The following TTC34 variants were observed in gnomAD, a reference collection of about 807,000 sequenced individuals.
TTC34 encodes tetratricopeptide repeat protein 34.
Under a neutral mutation model 40.7 loss-of-function variants are expected in TTC34, and 44 were observed. The ratio of observed to expected loss-of-function variants is 1.08; its 90% CI spans 0.85 to 1.39. The LOEUF (loss-of-function observed/expected upper bound fraction) is 1.39, where lower values mean the gene tolerates loss of function less well. Among genes scored for constraint, TTC34 ranks in the 40% most tolerant of loss-of-function variants. The pLI is 0.00. For missense variants in TTC34, 884 were observed against 838.0 expected, an observed-to-expected ratio of 1.05 and a Z score of -0.68; for synonymous variants, 422 against 398.6, an observed-to-expected ratio of 1.06 and a Z score of -0.70.
At chr1:2,655,087 A>T (rs139424951) in intron 6 of TTC34, among the ~76,000 whole-genome samples, 10 of 81,562 alleles carry the variant, frequency 1.2e-4, no homozygotes, top group African/African-American at 5.3e-4. Flanking sequence ...TGGAGCAGCA[A>T]CCACACCCCC....
At chr1:2,791,013 G>C (rs998660043) in intron 2 of TTC34, among the ~76,000 whole-genome samples, 7 of 152,184 alleles carry the variant, frequency 4.6e-5, no homozygotes, top group Non-Finnish European at 1.5e-5. Context: ...ACGCTCGCAG[G>C]GGGTGAGGAT....
intron 7 of TTC34, among the ~76,000 whole-genome samples, chr1:2,644,963 C>T (rs1333036063): frequency 6.6e-6 from 1 of 152,188 alleles, no homozygotes; most frequent in Non-Finnish European, 1.5e-5. Context: ...GGCCTGCCAT[C>T]CCGTGGGTGC....
intron 8 of TTC34, 30 bp downstream of exon 8, chr1:2,644,234 G>C (rs1638971971): frequency 1.3e-6 from 2 of 1,519,322 alleles, no homozygotes; most frequent in African/African-American, 1.4e-5. Context: ...GGAAGGTTGG[G>C]GTGGGAGATC....
intron 6 of TTC34, among the ~76,000 whole-genome samples, chr1:2,650,130 A>G (rs1388373594): frequency 2.1e-5 from 3 of 140,532 alleles, no homozygotes; most frequent in East Asian, 2.2e-4. Flanking sequence ...ATGGTACTCT[A>G]CACCCTCAGG....
rs1569588284 is a variant in TTC34 at position 2,691,206 on chromosome 1, G to C, written c.2227-45643C>G. 2.6e-5 allele frequency among the ~76,000 whole-genome samples: 2 copies of C among 78,052 alleles called. 1 individual carries two copies. The highest frequency in any genetic ancestry group is 2.5e-4 in the Admixed American group (2 of 8,014). The allele number at this position is 78,052 out of a possible 152,430, so 51.2% of individuals were successfully genotyped here. A position where few individuals can be genotyped will look rare whatever the true frequency, so the allele number is the denominator to read the frequency against. On this transcript the variant is annotated intron_variant, in intron 6 of 8. Coordinates refer to ENST00000401095, the Ensembl canonical transcript of TTC34. Reference sequence around the variant, plus strand: ...TCCCCAGGTGAGCATCTGACGGCCTGGAACAGCACCCACACGCCCAGGTGA... The same window carrying C: ...TCCCCAGGTGAGCATCTGACGGCCTCGAACAGCACCCACACGCCCAGGTGA...
chr1:2,688,631 G>A (rs561358306), intron 6 of TTC34, among the ~76,000 whole-genome samples: 9 of 129,446 alleles, frequency 7.0e-5, no homozygotes, highest in East Asian at 2.2e-4. Flanking sequence ...GCATCTGATG[G>A]TCTGGAGTAG....
At chr1:2,671,812 C>A (rs199580092) in intron 6 of TTC34, among the ~76,000 whole-genome samples, 2,642 of 87,552 alleles carry the variant, frequency 0.03, no homozygotes, top group Non-Finnish European at 0.052. Flanking sequence ...CATCTGACCT[C>A]CCGGAGCAGC....
chr1:2,653,613 C>A (rs1287416103), intron 6 of TTC34, among the ~76,000 whole-genome samples: 1 of 125,208 alleles, frequency 8.0e-6, no homozygotes, highest in Non-Finnish European at 1.7e-5. Flanking sequence ...CCTACACCCA[C>A]AAGTGAGCAT....
At chr1:2,759,902 C>A (rs1444154468) in intron 6 of TTC34, among the ~76,000 whole-genome samples, 2 of 63,622 alleles carry the variant, frequency 3.1e-5, no homozygotes, top group East Asian at 4.1e-4. Context: ...CATCTGACAG[C>A]CTGGAACATC....
intron 6 of TTC34, among the ~76,000 whole-genome samples, chr1:2,652,318 AC>A (rs1639168204): frequency 6.6e-6 from 1 of 152,276 alleles, no homozygotes; most frequent in African/African-American, 2.4e-5. Context: ...CTGGAGCAGC[AC>A]CCACACCCCC....
intron 6 of TTC34, among the ~76,000 whole-genome samples, chr1:2,691,004 T>G (rs1448356163): frequency 1.2e-5 from 1 of 81,208 alleles, no homozygotes; most frequent in African/African-American, 4.0e-5. Context: ...TCCGGCAGCC[T>G]GGAGCGGAAC....
intron 6 of TTC34, among the ~76,000 whole-genome samples, chr1:2,673,370 C>G (rs1639770399): frequency 1.5e-5 from 1 of 68,896 alleles, no homozygotes; most frequent in South Asian, 4.0e-4. Context: ...AGGCGAGCAT[C>G]TGAGGGCCTG....
At chr1:2,644,407 C>T (rs747422189) in exon 8 of TTC34, 1 of 1,536,048 alleles carries the variant, frequency 6.5e-7, no homozygotes, top group South Asian at 1.2e-5. Context: ...CCCAGCCGGG[C>T]CCGGGCTGCC....
rs1449455265 is a variant in TTC34, at chr1:2,700,044, C to T, written c.2227-54481G>A. 7.3e-5 allele frequency among the ~76,000 whole-genome samples: 9 copies of T among 122,914 alleles called. 2 individuals carry two copies. In the East Asian group the frequency reaches 9.9e-4, roughly 13 times the overall value. The allele number at this position is 122,914 out of a possible 152,430, so 80.6% of individuals were successfully genotyped here. ...GTGAGCATCTGATAGCCTGGAGCAG[C>T]GCCCACACCCAGAGGTGAGCATATG... On this transcript the variant is annotated intron_variant, in intron 6 of 8. Transcript: ENST00000401095.
intron 6 of TTC34, among the ~76,000 whole-genome samples, chr1:2,653,241 C>CG: frequency 6.6e-6 from 1 of 150,896 alleles, no homozygotes; most frequent in East Asian, 1.9e-4. Flanking sequence ...GGAACAGCAC[C>CG]CACATGCCCA....
intron 6 of TTC34, among the ~76,000 whole-genome samples, chr1:2,654,068 C>A (rs1270023499): frequency 8.0e-4 from 119 of 149,114 alleles, no homozygotes; most frequent in South Asian, 2.7e-3. Context: ...GAGCATCTGA[C>A]AGCGTGGAGC....
At chr1:2,688,065 C>A (rs1323300021) in intron 6 of TTC34, among the ~76,000 whole-genome samples, 511 of 144,584 alleles carry the variant, frequency 3.5e-3, no homozygotes, top group African/African-American at 0.013. Flanking sequence ...AAGCATCTGA[C>A]AGCCTGGAAC....
intron 6 of TTC34, among the ~76,000 whole-genome samples, chr1:2,683,355 C>G (rs1256313569): frequency 1.8e-4 from 26 of 145,094 alleles, no homozygotes; most frequent in African/African-American, 6.2e-4. Context: ...CCTGCACCCC[C>G]AGGTGAGCAT....
At chr1:2,638,229 C>T (rs1200850781) in exon 9 of TTC34, 1 of 152,122 alleles carries the variant, frequency 6.6e-6, no homozygotes, top group African/African-American at 2.4e-5. Context: ...CACTTTCACA[C>T]CAAAATGCTC....
Sources: gnomAD v4.1 joint callset for allele counts (sites outside exome capture counted in the v4.1 genomes callset) on GRCh38, gnomAD v4.1.1 for gene constraint, MANE v1.5 for transcripts, NCBI Gene and HGNC (gene_info 2026-07-23, HGNC 2026-07-21) for gene names.